The following CHD9 variants were observed in gnomAD, a reference collection of about 807,000 sequenced individuals.
CHD9 encodes ATP-dependent chromatin remodeler CHD9.
In CHD9, 77 loss-of-function variants were observed where a neutral mutation model predicts 316.1. The ratio of observed to expected loss-of-function variants is 0.24; its 90% confidence interval spans 0.20 to 0.29. CHD9 has a LOEUF of 0.29. Among genes scored for constraint, CHD9 ranks in the 10% least tolerant of loss-of-function variants. CHD9 has a pLI of 1.00. For missense variants in CHD9, 2,763 were observed against 3,438.1 expected, an observed-to-expected ratio of 0.80 and a Z score of 4.91; for synonymous variants, 1,129 against 1,158.3, an observed-to-expected ratio of 0.97 and a Z score of 0.51.
Position 53,231,433 on chromosome 16 carries a change from A to G in CHD9, c.2301A>G (p.Pro767=). The G allele has an allele frequency of 6.3e-7, 1 of 1,591,840 alleles. No homozygotes were observed. The highest frequency in any genetic ancestry group is 8.6e-7 in the Non-Finnish European group (1 of 1,162,524). ...AHFFADMEEE[P]FNPDYVEVDR... The stretch of plus-strand genomic sequence containing the variant: ...TTTAATTTTAGATGGAAGAAGAACC[A>G]TTTAACCCAGACTACGTTGAAGTAG... Residue 767 remains proline (P), a synonymous_variant, in exon 9 of 39, where the codon CCA becomes CCG. Coordinates refer to ENST00000447540, the MANE Select transcript of CHD9 (RefSeq NM_001308319.2).
At chr16:53,057,129 A>G (rs2032231867) in intron 1 of CHD9, among the ~76,000 whole-genome samples, 1 of 152,156 alleles carries the variant, frequency 6.6e-6, no homozygotes, top group Non-Finnish European at 1.5e-5. Context: ...TGGGTAACAC[A>G]GTAAGACCCT....
At chr16:53,114,098 AAG>A (rs1003320478) in intron 1 of CHD9, among the ~76,000 whole-genome samples, 3 of 152,124 alleles carry the variant, frequency 2.0e-5, no homozygotes, top group Non-Finnish European at 2.9e-5. Flanking sequence ...AAAAAAAAAA[AAG>A]AGGTTCCAAT....
intron 30 of CHD9, 27 bp downstream of exon 30, chr16:53,297,185 T>C (rs2054882927): frequency 6.4e-7 from 1 of 1,572,966 alleles, no homozygotes; most frequent in African/African-American, 1.4e-5. Flanking sequence ...TTTTTCCTGG[T>C]TTCGGTCAAA....
At chr16:53,072,752 T>G (rs1349133596) in intron 1 of CHD9, among the ~76,000 whole-genome samples, 4 of 152,062 alleles carry the variant, frequency 2.6e-5, no homozygotes, top group Non-Finnish European at 4.4e-5. Flanking sequence ...TACAGTGCAG[T>G]GGCACAATCT....
intron 3 of CHD9, 38 bp downstream of exon 3, chr16:53,209,851 G>A: frequency 2.2e-6 from 3 of 1,378,316 alleles, no homozygotes; most frequent in Non-Finnish European, 2.9e-6. Context: ...TCCTTTCAAT[G>A]TTCTGTTAAA....
intron 24 of CHD9, among the ~76,000 whole-genome samples, chr16:53,284,981 G>C (rs1049794481): frequency 1.3e-5 from 2 of 152,040 alleles, no homozygotes; most frequent in African/African-American, 4.8e-5. Context: ...TGCCCAGGCT[G>C]GTCTTGTACT....
chr16:53,076,425 A>G (rs2034532260), intron 1 of CHD9, among the ~76,000 whole-genome samples: 2 of 152,114 alleles, frequency 1.3e-5, no homozygotes, highest in Non-Finnish European at 2.9e-5. Context: ...AAATACAAAA[A>G]TTAGTCAGGC....
Position 53,245,333 on chromosome 16 carries a change from T to C in CHD9, c.3055-3T>C, listed in dbSNP as rs1291775927. On this transcript the variant is annotated splice_polypyrimidine_tract_variant and splice_region_variant and intron_variant, in intron 13 of 38. Coordinates refer to ENST00000447540, the MANE Select transcript of CHD9 (RefSeq NM_001308319.2). This position sits in a 1 kb window ranked among gnomAD's most constrained non-coding sequence, Gnocchi z 4.1. ...TGATGTGAATTGTTCTCACTTTTTG[T>C]AGGAACACAAGGTGCTTTTGACTGG... The C allele has an allele frequency of 1.3e-6, 2 of 1,512,008 alleles. No individual in the cohort carries two copies. The highest frequency in any genetic ancestry group is 1.8e-6 in the Non-Finnish European group (2 of 1,133,206). The allele number at this position is 1,512,008 out of a possible 1,614,324, so 93.7% of individuals were successfully genotyped here.
chr16:53,304,287 C>G lies in CHD9; in HGVS notation c.6281C>G (p.Ser2094Cys). 6.2e-7 allele frequency: 1 copy of G among 1,611,610 alleles called. No homozygotes were observed. Among genetic ancestry groups the G allele is most frequent in the Non-Finnish European group, 8.5e-7 (1 of 1,179,680 alleles). Residue 2094 changes from serine (S) to cysteine (C), a missense_variant, in exon 31 of 39, where the codon TCT (serine) becomes TGT (cysteine). Physicochemically the swap from Ser to Cys is moderately radical, Grantham distance 112. Around this residue, in one of 15 missense-constraint regions of CHD9, gnomAD observed 663 missense variants for 751.2 expected, o/e 0.88. Transcript: ENST00000447540. ...VLPQATGDQKSGGKCETDRRM... is the reference protein window; with the variant it reads ...VLPQATGDQKCGGKCETDRRM... ...CCACAGGCTACTGGAGACCAGAAAT[C>G]TGGTGGAAAATGTGAAACAGACAGA...
intron 19 of CHD9, among the ~76,000 whole-genome samples, chr16:53,261,336 C>T (rs1597699624): frequency 2.5e-5 from 3 of 119,932 alleles, no homozygotes; most frequent in African/African-American, 6.1e-5. Flanking sequence ...AGCATTTAGC[C>T]TTTTAATTTT....
rs373395490 is a variant in CHD9 at position 53,179,529 on chromosome 16, G to A, written c.1452+21988G>A. ...CAAATTACATTAAAATGAATTATTTGCAGTTTATTTTTTGAAGCCTATTAT... is the reference window on the plus strand; with the variant it reads ...CAAATTACATTAAAATGAATTATTTACAGTTTATTTTTTGAAGCCTATTAT... On this transcript the variant is annotated intron_variant, in intron 2 of 38. Transcript: ENST00000447540. Among the ~76,000 whole-genome samples the A allele has an allele frequency of 5.3e-5, 8 of 151,662 alleles. No homozygotes were observed. In the East Asian group the frequency reaches 1.2e-3, roughly 22 times the overall value.
intron 2 of CHD9, among the ~76,000 whole-genome samples, chr16:53,207,271 T>C (rs559656684): frequency 6.6e-6 from 1 of 152,364 alleles, no homozygotes; most frequent in Admixed American, 6.5e-5. Flanking sequence ...AGAAAAGTTG[T>C]ACTGATGTTC....
intron 2 of CHD9, among the ~76,000 whole-genome samples, chr16:53,200,140 G>A (rs934163331): frequency 7.2e-5 from 11 of 152,072 alleles, no homozygotes; most frequent in African/African-American, 2.7e-4. Flanking sequence ...TTGGGAGGCT[G>A]AGGTGGCTGA....
At chr16:53,262,591 A>AAT (rs757022437) in intron 19 of CHD9, among the ~76,000 whole-genome samples, 12 of 152,178 alleles carry the variant, frequency 7.9e-5, no homozygotes, top group Admixed American at 2.0e-4. Flanking sequence ...GATGAAAATA[A>AAT]ACTAGAAATA....
intron 1 of CHD9, among the ~76,000 whole-genome samples, chr16:53,138,032 AG>A (rs370225191): frequency 6.6e-6 from 1 of 151,972 alleles, no homozygotes; most frequent in Admixed American, 6.6e-5. Flanking sequence ...CTGGGGAAGG[AG>A]GGGGGGAAAT....
intron 5 of CHD9, 149 bp downstream of exon 5, chr16:53,226,661 C>A: frequency 1.2e-6 from 1 of 848,660 alleles, no homozygotes; most frequent in South Asian, 1.8e-5. Context: ...AATTAGAAAC[C>A]TAGGGATTCA....
rs1014807538 is a variant in CHD9 at position 53,309,129 on chromosome 16, C to G, written c.7222+275C>G. Among the ~76,000 whole-genome samples, 5 of 152,248 alleles carry G rather than the reference C, an allele frequency of 3.3e-5. No individual in the cohort carries two copies. In the East Asian group the frequency reaches 9.6e-4, roughly 29 times the overall value. On this transcript the variant is annotated intron_variant, in intron 34 of 38. Transcript: ENST00000447540. ...TGCCTCATACAGGTAAAAGTTCAAACTGCATTTCAGTATCACAAATTAATG... is the reference window on the plus strand; with the variant it reads ...TGCCTCATACAGGTAAAAGTTCAAAGTGCATTTCAGTATCACAAATTAATG...
chr16:53,251,084 A>G (rs888724580), intron 17 of CHD9, among the ~76,000 whole-genome samples: 3 of 151,984 alleles, frequency 2.0e-5, no homozygotes, highest in Non-Finnish European at 4.4e-5. Context: ...GAGACCACCA[A>G]CTCTTTCTGT....
chr16:53,273,110 A>C (rs539675753), intron 22 of CHD9, among the ~76,000 whole-genome samples: 1 of 152,086 alleles, frequency 6.6e-6, no homozygotes, highest in Admixed American at 6.5e-5. Context: ...CAAAACAACA[A>C]AAAAAAACTA....
Sources: allele counts gnomAD v4.1 joint callset (sites outside exome capture counted in the v4.1 genomes callset), GRCh38; gene constraint gnomAD v4.1.1; regional missense constraint gnomAD v4.1.1; non-coding constraint Gnocchi (gnomAD v3.1); transcripts MANE v1.5; gene names NCBI Gene and HGNC (gene_info 2026-07-23, HGNC 2026-07-21).